Variants in DNAH12 observed in about 807,000 individuals in gnomAD.
DNAH12 encodes the protein dynein axonemal heavy chain 12.
In DNAH12, 285 loss-of-function variants were observed where a neutral mutation model predicts 371.5. The ratio of observed to expected loss-of-function variants is 0.77; its 90% CI spans 0.70 to 0.85. The LOEUF (loss-of-function observed/expected upper bound fraction) is 0.85, where lower values mean the gene tolerates loss of function less well. Ranked by LOEUF, DNAH12 falls within the 40% of genes least tolerant of loss-of-function variation. The pLI, the probability that DNAH12 is intolerant of heterozygous loss-of-function variation, is 0.00. For missense variants in DNAH12, 3,611 were observed against 3,689.4 expected (o/e 0.98, Z 0.55); for synonymous variants, 1,200 against 1,213.0 (o/e 0.99, Z 0.22).
chr3:57,499,277 C>T (rs1290578482), intron 11 of DNAH12, among the ~76,000 whole-genome samples: 1 of 151,894 alleles, frequency 6.6e-6, no homozygotes, highest in Non-Finnish European at 1.5e-5. Context: ...TGTTCTACAT[C>T]TTAATTCTGG....
At chr3:57,555,825 C>G in the DNAH12 span, among the ~76,000 whole-genome samples, 1 of 152,246 alleles carries the variant, frequency 6.6e-6, no homozygotes, top group Non-Finnish European at 1.5e-5. Flanking sequence ...TGGGGTGAAC[C>G]CACCAGGCCA....
intron 2 of DNAH12, chr3:57,536,244 T>C (rs2069040491): frequency 6.6e-6 from 1 of 150,540 alleles, no homozygotes; most frequent in Non-Finnish European, 1.5e-5. Flanking sequence ...TCCCTCTTTT[T>C]ATTTTTATTT....
At position 57,389,839 on chromosome 3, in the gene DNAH12, T is replaced by TATATATATATATATATATATATAAAA. The variant is rs1326237791; in HGVS notation, c.7305+2032_7305+2033insTTTTATATATATATATATATATATAT. ...GTGTGTGTGTATATATATATATATATAATACTTTTTTTTTTGAAATGGAGT... is the reference window on the plus strand; with the variant it reads ...GTGTGTGTGTATATATATATATATATATATATATATATATATATATATAAAAAATACTTTTTTTTTTGAAATGGAGT... On this transcript the variant is annotated intron_variant, in intron 45 of 73. Transcript: ENST00000495027. 1.8e-3 allele frequency among the ~76,000 whole-genome samples: 155 copies of TATATATATATATATATATATATAAAA among 84,464 alleles called. 4 individuals are homozygous for TATATATATATATATATATATATAAAA. The highest frequency in any genetic ancestry group is 3.8e-3 in the East Asian group (5 of 1,318). The allele number at this position is 84,464 out of a possible 152,430, so 55.4% of individuals were successfully genotyped here. A position where few individuals can be genotyped will look rare whatever the true frequency, so the allele number is the denominator to read the frequency against.
At chr3:57,451,525 C>A (rs1214787097) in intron 25 of DNAH12, among the ~76,000 whole-genome samples, 1 of 152,160 alleles carries the variant, frequency 6.6e-6, no homozygotes, top group East Asian at 1.9e-4. Flanking sequence ...GTAGTCCCAG[C>A]TACTTAGGAG....
chr3:57,417,194 G>GAGCTGAGATTGTGCCC (rs1459624083), intron 37 of DNAH12, among the ~76,000 whole-genome samples: 1 of 99,446 alleles, frequency 1.0e-5, no homozygotes, highest in Non-Finnish European at 2.2e-5. Context: ...AGGTTGTGGT[G>GAGCTGAGATTGTGCCC]AGCTGAGATT....
chr3:57,525,952 G>A (rs1342655945), intron 2 of DNAH12, among the ~76,000 whole-genome samples: 1 of 151,630 alleles, frequency 6.6e-6, no homozygotes. Flanking sequence ...TAGTAGACAT[G>A]GGGTTTCACC....
chr3:57,454,766 A>ATG lies in DNAH12; in HGVS notation c.3456+7_3456+8dup. 5.2e-6 allele frequency: 8 copies of ATG among 1,549,882 alleles called. No individual in the cohort carries two copies. The highest frequency in any genetic ancestry group is 6.1e-6 in the Non-Finnish European group (7 of 1,146,422). ...GAAGGATGTTACTTAAAAGCAAACA[A>ATG]TGCTTTACCTCCGTCCCGCCACTTA... On this transcript the variant is annotated intron_variant, in intron 23 of 73. Transcript: ENST00000495027.
At chr3:57,448,286 G>A (rs563232909) in intron 25 of DNAH12, among the ~76,000 whole-genome samples, 49 of 152,188 alleles carry the variant, frequency 3.2e-4, no homozygotes, top group Non-Finnish European at 3.1e-4. Flanking sequence ...CGCTGGCTCA[G>A]GAGTGAAGCT....
Position 57,433,518 on chromosome 3 carries a change from A to G in DNAH12, c.4840-11T>C. The G allele has an allele frequency of 6.5e-7, 1 of 1,543,374 alleles. No individual in the cohort carries two copies. Among genetic ancestry groups the G allele is most frequent in the Non-Finnish European group, 8.7e-7 (1 of 1,145,048 alleles). Reference sequence around the variant, plus strand: ...AATACCATCAGTCCACTGAGGAGGAAAAAAAAGAATTAAAAAGCTCTCCTC... The same window carrying G: ...AATACCATCAGTCCACTGAGGAGGAGAAAAAAGAATTAAAAAGCTCTCCTC... On this transcript the variant is annotated splice_polypyrimidine_tract_variant and intron_variant, in intron 31 of 73. Coordinates refer to ENST00000495027, the MANE Select transcript of DNAH12 (RefSeq NM_001366028.2).
At position 57,382,826 on chromosome 3, in the gene DNAH12, A is replaced by T. The variant is rs1014454167; in HGVS notation, c.7861-433T>A. ...CGTCCCAATTCCAAACCTATTTTCT[A>T]AAAAGGTATATATTGTTATAATAGA... On this transcript the variant is annotated intron_variant, in intron 49 of 73. Coordinates refer to ENST00000495027, the MANE Select transcript of DNAH12 (RefSeq NM_001366028.2). Among the ~76,000 whole-genome samples the T allele has an allele frequency of 1.2e-4, 18 of 152,334 alleles. No individual in the cohort carries two copies. The East Asian group carries it at 2.7e-3, about 23-fold the overall frequency.
At chr3:57,454,642 G>T in intron 23 of DNAH12, 133 bp downstream of exon 23, 1 of 1,220,880 alleles carries the variant, frequency 8.2e-7, no homozygotes, top group Non-Finnish European at 1.1e-6. Flanking sequence ...GGTTGAAGTG[G>T]GAGGATTTCT....
In DNAH12 at chr3:57,431,938, A is replaced by C. The variant is rs2064967581; in HGVS notation, c.4980+1429T>G. ...CACAAGGATTTGCCTTCAAATTTCC[A>C]CAGTCAAATCCATACACTCACCTAT... On this transcript the variant is annotated intron_variant, in intron 32 of 73. Coordinates refer to ENST00000495027, the MANE Select transcript of DNAH12 (RefSeq NM_001366028.2). Among the ~76,000 whole-genome samples, 4 of 152,174 alleles carry C rather than the reference A, an allele frequency of 2.6e-5. No individual in the cohort carries two copies. In the South Asian group the frequency reaches 8.3e-4, roughly 32 times the overall value.
intron 2 of DNAH12, among the ~76,000 whole-genome samples, chr3:57,541,563 ACT>A (rs2069286908): frequency 1.3e-5 from 2 of 151,202 alleles, no homozygotes; most frequent in South Asian, 2.1e-4. Flanking sequence ...TGAGGGTCTC[ACT>A]ACCTTGCTCA....
chr3:57,419,314 A>G (rs1249293941), intron 37 of DNAH12, 53 bp downstream of exon 37: 1 of 1,447,930 alleles, frequency 6.9e-7, no homozygotes. Context: ...CCATAATCCT[A>G]TTAAAATGGT....
intron 62 of DNAH12, among the ~76,000 whole-genome samples, chr3:57,332,920 A>T (rs971234485): frequency 6.6e-6 from 1 of 152,198 alleles, no homozygotes; most frequent in Non-Finnish European, 1.5e-5. Flanking sequence ...TAATGCATTG[A>T]ATAAAGGCTA....
chr3:57,478,236 G>C (rs985624827), intron 13 of DNAH12, among the ~76,000 whole-genome samples: 3 of 152,218 alleles, frequency 2.0e-5, no homozygotes, highest in Admixed American at 1.3e-4. Context: ...TAAAGGACCT[G>C]ATGGAGCTGA....
intron 25 of DNAH12, among the ~76,000 whole-genome samples, chr3:57,449,418 C>G (rs1355235566): frequency 6.6e-6 from 1 of 152,214 alleles, no homozygotes; most frequent in Non-Finnish European, 1.5e-5. Flanking sequence ...CAGGGAGGCT[C>G]CGGCCGCACA....
In DNAH12 at chr3:57,474,019, T is replaced by C. The variant is rs1009485221; in HGVS notation, c.1651-1348A>G. 4.6e-5 allele frequency among the ~76,000 whole-genome samples: 7 copies of C among 152,096 alleles called. No homozygotes were observed. The South Asian group carries it at 1.4e-3, about 31-fold the overall frequency. ...GTACCTGTATAAAACCTACAACAAA[T>C]GTCATACTTAATAGTGAAATCTTGA... On this transcript the variant is annotated intron_variant, in intron 13 of 73. Transcript: ENST00000495027.
intron 12 of DNAH12, among the ~76,000 whole-genome samples, chr3:57,484,036 T>C (rs1473653060): frequency 6.6e-6 from 1 of 151,774 alleles, no homozygotes; most frequent in Non-Finnish European, 1.5e-5. Flanking sequence ...AGGTAATATT[T>C]ACATGCAAAA....
Sources: gnomAD v4.1 joint callset for allele counts (sites outside exome capture counted in the v4.1 genomes callset) on GRCh38, gnomAD v4.1.1 for gene constraint, MANE v1.5 for transcripts, NCBI Gene and HGNC (gene_info 2026-07-23, HGNC 2026-07-21) for gene names.